GALNT14: variants seen among roughly 807,000 people sequenced by gnomAD.
The protein encoded by GALNT14 is UDP-GalNAc:polypeptide N-acetylgalactosaminyltransferase 14.
Under a neutral mutation model 77.5 loss-of-function variants are expected in GALNT14, and 60 were observed. The ratio of observed to expected loss-of-function variants is 0.77; its 90% CI spans 0.63 to 0.96. The LOEUF (loss-of-function observed/expected upper bound fraction) is 0.96, where lower values mean the gene tolerates loss of function less well. Ranked by LOEUF, GALNT14 falls within the 40% of genes least tolerant of loss-of-function variation. The pLI is 0.00. For missense variants in GALNT14, 710 were observed against 731.0 expected, an observed-to-expected ratio of 0.97 and a Z score of 0.33; for synonymous variants, 280 against 281.7, an observed-to-expected ratio of 0.99 and a Z score of 0.06.
chr2:30,907,214 C>G (rs1394776097), downstream of GALNT14, among the ~76,000 whole-genome samples: 3 of 151,968 alleles, frequency 2.0e-5, no homozygotes, highest in Non-Finnish European at 4.4e-5. Context: ...AAGATCGGAG[C>G]AGAACTGAAG....
intron 1 of GALNT14, among the ~76,000 whole-genome samples, chr2:31,099,719 T>C (rs922678907): frequency 5.9e-5 from 9 of 152,070 alleles, no homozygotes; most frequent in African/African-American, 1.9e-4. Context: ...TTTGGATCTA[T>C]TTCTGGACTA....
downstream of GALNT14, among the ~76,000 whole-genome samples, chr2:30,906,943 C>T (rs1664160356): frequency 6.6e-6 from 1 of 152,166 alleles, no homozygotes; most frequent in South Asian, 2.1e-4. Flanking sequence ...ACTGAACAAC[C>T]TGCTCCTGAA....
chr2:31,073,915 C>T (rs1484383737), intron 1 of GALNT14, among the ~76,000 whole-genome samples: 1 of 152,196 alleles, frequency 6.6e-6, no homozygotes, highest in African/African-American at 2.4e-5. Flanking sequence ...ACAGAACGCT[C>T]TCCTTCCATT....
intron 1 of GALNT14, among the ~76,000 whole-genome samples, chr2:31,019,890 A>G (rs976997377): frequency 7.2e-5 from 11 of 152,232 alleles, no homozygotes; most frequent in Non-Finnish European, 1.3e-4. Context: ...ACAGCTTTCT[A>G]CAATAGAAAG....
intron 1 of GALNT14, among the ~76,000 whole-genome samples, chr2:31,057,595 G>T (rs918395823): frequency 6.6e-6 from 1 of 151,844 alleles, no homozygotes; most frequent in African/African-American, 2.4e-5. Context: ...ACAATGATCA[G>T]GTGCTTTACT....
chr2:30,967,145 T>A (rs943922705), intron 2 of GALNT14, among the ~76,000 whole-genome samples: 5 of 152,202 alleles, frequency 3.3e-5, no homozygotes, highest in Admixed American at 3.3e-4. Flanking sequence ...GTCAAATATT[T>A]GCTTTTTTCA....
chr2:31,124,006 G>A (rs947702573), intron 1 of GALNT14, among the ~76,000 whole-genome samples: 2 of 152,212 alleles, frequency 1.3e-5, no homozygotes, highest in African/African-American at 4.8e-5. Flanking sequence ...GGGGCCAGCA[G>A]AGAGCCACTG....
intron 1 of GALNT14, among the ~76,000 whole-genome samples, chr2:31,127,134 C>G (rs575692016): frequency 6.6e-6 from 1 of 152,238 alleles, no homozygotes; most frequent in East Asian, 1.9e-4. Context: ...TGTAACCAGC[C>G]CCCCAATCAA....
At chr2:31,042,931 G>A (rs548320034) in intron 1 of GALNT14, among the ~76,000 whole-genome samples, 146 of 152,186 alleles carry the variant, frequency 9.6e-4, no homozygotes, top group African/African-American at 3.3e-3. Flanking sequence ...CAAAACCCTT[G>A]AATGGCTCCC....
At chr2:30,901,193 G>C in the GALNT14 span, among the ~76,000 whole-genome samples, 2 of 152,154 alleles carry the variant, frequency 1.3e-5, no homozygotes, top group African/African-American at 2.4e-5. Context: ...GGGATACCTA[G>C]AGGAAGAAAC....
chr2:31,055,778 C>T (rs1356703422), intron 1 of GALNT14, among the ~76,000 whole-genome samples: 4 of 152,176 alleles, frequency 2.6e-5, no homozygotes, highest in Admixed American at 6.5e-5. Context: ...CCTGCTAGTA[C>T]GGTGACTGGC....
chr2:30,993,074 T>A, intron 1 of GALNT14, 67 bp from the exon 2 acceptor site: 1 of 1,540,094 alleles, frequency 6.5e-7, no homozygotes, highest in Non-Finnish European at 8.8e-7. Flanking sequence ...CGTCTGCCTA[T>A]CAGTACCCAA....
chr2:31,056,423 C>T (rs535292058), intron 1 of GALNT14, among the ~76,000 whole-genome samples: 7 of 152,268 alleles, frequency 4.6e-5, no homozygotes, highest in Non-Finnish European at 5.9e-5. Flanking sequence ...CCATCTCAGG[C>T]GTACTCCTGG....
At chr2:31,020,250 T>A (rs959460944) in intron 1 of GALNT14, among the ~76,000 whole-genome samples, 1 of 152,222 alleles carries the variant, frequency 6.6e-6, no homozygotes, top group South Asian at 2.1e-4. Flanking sequence ...CTGTATTTTT[T>A]AATTATGTTC....
At chr2:30,956,081 G>T in intron 4 of GALNT14, 104 bp from the exon 5 acceptor site, 3 of 1,081,448 alleles carry the variant, frequency 2.8e-6, no homozygotes, top group Non-Finnish European at 4.2e-6. Context: ...AGGCAGCCCT[G>T]TCCACTGTCC....
At chr2:31,063,661 C>T (rs6732243) in intron 1 of GALNT14, among the ~76,000 whole-genome samples, 42,854 of 152,054 alleles carry the variant, frequency 0.28, 6,453 homozygotes, top group African/African-American at 0.4. Flanking sequence ...AGTATGGCCA[C>T]TTTCACGATA....
At chr2:31,048,094 C>T (rs1351699055) in intron 1 of GALNT14, among the ~76,000 whole-genome samples, 2 of 152,366 alleles carry the variant, frequency 1.3e-5, no homozygotes, top group African/African-American at 2.4e-5. Context: ...CAACAGCCAG[C>T]TCCTACCACT....
chr2:30,889,862 C>T, the GALNT14 span, among the ~76,000 whole-genome samples: 416 of 152,270 alleles, frequency 2.7e-3, 2 homozygotes, highest in African/African-American at 9.7e-3. Context: ...TTAAAAATGG[C>T]TTTCATTAGA....
intron 1 of GALNT14, among the ~76,000 whole-genome samples, chr2:31,096,411 A>C (rs1461230948): frequency 3.3e-5 from 5 of 152,178 alleles, no homozygotes; most frequent in Non-Finnish European, 7.3e-5. Flanking sequence ...GCCCTGGCTA[A>C]GTCTCTTGTC....
Sources: allele counts gnomAD v4.1 joint callset (sites outside exome capture counted in the v4.1 genomes callset), GRCh38; gene constraint gnomAD v4.1.1; transcripts MANE v1.5; gene names NCBI Gene and HGNC (gene_info 2026-07-23, HGNC 2026-07-21).